Variants in SCAMP3 observed in about 807,000 individuals in gnomAD.
SCAMP3 encodes secretory carrier membrane protein 3.
A neutral mutation model predicts 44.1 loss-of-function variants in SCAMP3; 30 were observed. The observed-to-expected ratio is 0.68, with a 90% CI of 0.51 to 0.92. The LOEUF is 0.92. Ranked by LOEUF, SCAMP3 falls within the 40% of genes least tolerant of loss-of-function variation. SCAMP3 has a pLI of 0.00. For missense variants in SCAMP3, 394 were observed against 440.0 expected, an observed-to-expected ratio of 0.90 and a Z score of 0.93; for synonymous variants, 168 against 171.1, an observed-to-expected ratio of 0.98 and a Z score of 0.14.
chr1:155,260,516 T>A, intron 3 of SCAMP3, 21 bp downstream of exon 3: 1 of 1,614,070 alleles, frequency 6.2e-7, no homozygotes, highest in Non-Finnish European at 8.5e-7. Context: ...TCCCCAGCCC[T>A]CACCTGCACA....
intron 5 of SCAMP3, 67 bp from the exon 6 acceptor site, chr1:155,257,724 C>T (rs1672843697): frequency 2.1e-6 from 3 of 1,430,040 alleles, no homozygotes; most frequent in East Asian, 2.5e-5. Context: ...CCCATCTATG[C>T]TCATCCTATA....
chr1:155,261,141 G>A (rs545286299), intron 2 of SCAMP3: 22 of 171,530 alleles, frequency 1.3e-4, no homozygotes, highest in Non-Finnish European at 2.3e-4. Flanking sequence ...TGCCCAGGAT[G>A]GTCTCCATCA....
chr1:155,259,593 G>T (rs765688540), intron 4 of SCAMP3, among the ~76,000 whole-genome samples: 26 of 152,076 alleles, frequency 1.7e-4, no homozygotes, highest in Non-Finnish European at 3.8e-4. Flanking sequence ...TCTAACTCCT[G>T]AGCTCAAGCA....
intron 2 of SCAMP3, chr1:155,261,434 A>T: frequency 1.7e-6 from 1 of 581,580 alleles, no homozygotes; most frequent in South Asian, 2.1e-5. Context: ...CAGCCTCCAG[A>T]TCTTCCCAGG....
chr1:155,262,267 G>GCA lies in SCAMP3; in HGVS notation c.-118_-117dup. On this transcript the variant is annotated 5_prime_UTR_variant, in exon 1 of 9. Transcript: ENST00000302631. ...GCCTCAGTTCGCCCCGCTTCTCTGT[G>GCA]CACGGATTGGTTCCACCGACCGGAA... is the stretch of plus-strand genomic sequence containing the variant. 1.1e-6 allele frequency: 1 copy of GCA among 936,606 alleles called. No individual in the cohort carries two copies. Among genetic ancestry groups the GCA allele is most frequent in the Non-Finnish European group, 1.6e-6 (1 of 626,360 alleles). 58.0% of individuals were successfully genotyped at this position (936,606 alleles called of 1,614,324 possible). A position where few individuals can be genotyped will look rare whatever the true frequency, so the allele number is the denominator to read the frequency against.
At chr1:155,258,180 C>T (rs1355573554) in intron 5 of SCAMP3, among the ~76,000 whole-genome samples, 2 of 151,996 alleles carry the variant, frequency 1.3e-5, no homozygotes, top group African/African-American at 4.8e-5. Flanking sequence ...CCACCACGCC[C>T]GGCTAATTTT....
chr1:155,260,318 T>G lies in SCAMP3; in HGVS notation c.388+12A>C. The G allele has an allele frequency of 6.2e-7, 1 of 1,609,320 alleles. No individual in the cohort carries two copies. The stretch of plus-strand genomic sequence containing the variant: ...CAAACTCTCAGATGCTCTTCCCCAC[T>G]CTATTACTTACTAGCTGTGCCCCCC... On this transcript the variant is annotated intron_variant, in intron 4 of 8. Coordinates refer to ENST00000302631, the MANE Select transcript of SCAMP3 (RefSeq NM_005698.4).
chr1:155,258,811 C>T lies in SCAMP3; in HGVS notation c.517+15G>A, dbSNP rs369081598. On this transcript the variant is annotated intron_variant, in intron 5 of 8. Transcript: ENST00000302631. ...TCTACCTGTAACTTCCTCCAAAAGG[C>T]TTCTCACTACTCACACATCCAGAGG... The T allele has an allele frequency of 5.2e-5, 83 of 1,595,928 alleles. No individual in the cohort carries two copies. The highest frequency in any genetic ancestry group is 5.0e-4 in the Middle Eastern group (3 of 6,002).
At position 155,257,628 on chromosome 1, in the gene SCAMP3, G is replaced by A; in HGVS notation, c.547C>T (p.Leu183Phe). Reference protein sequence around the residue: ...CSTLALLLNFLACLASFCVET... With the variant: ...CSTLALLLNFFACLASFCVET... ...ACACAGAAGCTGGCCAGGCAGGCGA[G>A]GAAGTTCAGGAGAAGAGCCAGCGTG... Residue 183 changes from leucine to phenylalanine, a missense_variant, in exon 6 of 9, where the codon CTC (leucine) becomes TTC (phenylalanine). Transcript: ENST00000302631. 1 of 1,568,676 alleles carries A rather than the reference G, an allele frequency of 6.4e-7. No homozygotes were observed. The highest frequency in any genetic ancestry group is 2.3e-5 in the East Asian group (1 of 42,568).
At chr1:155,259,043 T>G in intron 4 of SCAMP3, 89 bp from the exon 5 acceptor site, 17 of 672,962 alleles carry the variant, frequency 2.5e-5, no homozygotes, top group Non-Finnish European at 3.5e-5. Context: ...CCCTGGATCC[T>G]CTCTTTTTTT....
rs1209954930 is a variant in SCAMP3 at position 155,262,351 on chromosome 1, A to G, written c.-200T>C. 2 of 579,230 alleles carry G rather than the reference A, an allele frequency of 3.5e-6. No homozygotes were observed. Among genetic ancestry groups the G allele is most frequent in the African/African-American group, 3.8e-5 (2 of 53,090 alleles). 35.9% of individuals were successfully genotyped at this position (579,230 alleles called of 1,614,324 possible). A position where few individuals can be genotyped will look rare whatever the true frequency, so the allele number is the denominator to read the frequency against. On this transcript the variant is annotated 5_prime_UTR_variant, in exon 1 of 9. Coordinates refer to ENST00000302631, the MANE Select transcript of SCAMP3 (RefSeq NM_005698.4). ...GCGCCTGCGTCTTGTCCAAAAGCTA[A>G]GACGAAAGTGCCCCCACGTGATACC...
chr1:155,262,270 C>G lies in SCAMP3; in HGVS notation c.-119G>C, dbSNP rs952647824. ...TCAGTTCGCCCCGCTTCTCTGTGCACGGATTGGTTCCACCGACCGGAAGGG... is the reference window on the plus strand; with the variant it reads ...TCAGTTCGCCCCGCTTCTCTGTGCAGGGATTGGTTCCACCGACCGGAAGGG... On this transcript the variant is annotated 5_prime_UTR_variant, in exon 1 of 9. Coordinates refer to ENST00000302631, the MANE Select transcript of SCAMP3 (RefSeq NM_005698.4). 1.1e-6 allele frequency: 1 copy of G among 910,466 alleles called. No homozygotes were observed. Among genetic ancestry groups the G allele is most frequent in the Admixed American group, 2.7e-5 (1 of 37,684 alleles). 56.4% of individuals were successfully genotyped at this position (910,466 alleles called of 1,614,324 possible).
Position 155,256,905 on chromosome 1 carries a change from A to G in SCAMP3, c.780-114T>C, listed in dbSNP as rs1033299006. 1.6e-5 allele frequency: 12 copies of G among 749,276 alleles called. No homozygotes were observed. The African/African-American group carries it at 2.1e-4, about 13-fold the overall frequency. The allele number at this position is 749,276 out of a possible 1,614,324, so 46.4% of individuals were successfully genotyped here. ...ATCAGCAGTGGCTCCCTGTCAATCG[A>G]GCAGCATTCCAAGCACCACAATCCC... On this transcript the variant is annotated intron_variant, in intron 7 of 8. Coordinates refer to ENST00000302631, the MANE Select transcript of SCAMP3 (RefSeq NM_005698.4).
Position 155,257,651 on chromosome 1 carries a change from G to A in SCAMP3, c.524C>T (p.Thr175Met), listed in dbSNP as rs111813693. 5.8e-6 allele frequency: 9 copies of A among 1,557,814 alleles called. No homozygotes were observed. In the South Asian group the frequency reaches 7.1e-5, roughly 12 times the overall value. ...STMYYLWMCS[T>M]LALLLNFLAC... ...GAGGAAGTTCAGGAGAAGAGCCAGCGTGCTGCCTAAGGGGCAGAGGGACAG... is the reference window on the plus strand; with the variant it reads ...GAGGAAGTTCAGGAGAAGAGCCAGCATGCTGCCTAAGGGGCAGAGGGACAG... The change falls in exon 6 of 9, where the codon ACG (threonine) becomes ATG (methionine). Residue 175 changes from threonine to methionine, a missense_variant. By Grantham distance (81) the Thr-to-Met change is moderately conservative (BLOSUM62 -1). Coordinates refer to ENST00000302631, the MANE Select transcript of SCAMP3 (RefSeq NM_005698.4).
intron 4 of SCAMP3, among the ~76,000 whole-genome samples, chr1:155,259,903 C>T (rs552516977): frequency 6.6e-6 from 1 of 151,472 alleles, no homozygotes; most frequent in Admixed American, 6.6e-5. Context: ...GGTTAGTAAG[C>T]AGTATCTCTA....
intron 5 of SCAMP3, 152 bp from the exon 6 acceptor site, chr1:155,257,809 G>A: frequency 1.4e-6 from 1 of 707,836 alleles, no homozygotes; most frequent in Non-Finnish European, 2.4e-6. Flanking sequence ...AGGGGAGATG[G>A]AGAAAGCAAA....
intron 4 of SCAMP3, among the ~76,000 whole-genome samples, chr1:155,260,123 TG>T (rs1441586779): frequency 1.3e-5 from 2 of 151,992 alleles, no homozygotes; most frequent in African/African-American, 4.8e-5. Context: ...AGCTAATTTT[TG>T]TGTGTGTGTA....
At position 155,261,728 on chromosome 1, in the gene SCAMP3, C is replaced by G. The variant is rs889235851; in HGVS notation, c.73G>C (p.Ala25Pro). 1.2e-6 allele frequency: 2 copies of G among 1,613,968 alleles called. No individual in the cohort carries two copies. The highest frequency in any genetic ancestry group is 1.7e-6 in the Non-Finnish European group (2 of 1,180,010). Residue 25 changes from alanine (A) to proline (P), a missense_variant, in exon 2 of 9, where the codon GCT becomes CCT. By Grantham distance (27) the Ala-to-Pro change is conservative. Coordinates refer to ENST00000302631, the MANE Select transcript of SCAMP3 (RefSeq NM_005698.4). ...CGGCTGGGTCGGTGCTGGATCACAG[C>G]TGGGTCCTGAGGGCAGAGACCCGGG... Reference protein sequence around the residue: ...SELDNPFQDPAVIQHRPSRQY... With the variant: ...SELDNPFQDPPVIQHRPSRQY...
intron 5 of SCAMP3, among the ~76,000 whole-genome samples, chr1:155,258,314 C>A (rs865922668): frequency 2.0e-4 from 27 of 135,478 alleles, no homozygotes; most frequent in African/African-American, 6.9e-4. Flanking sequence ...CCACCGTGCC[C>A]GGCCTTTTTT....
Sources: allele counts gnomAD v4.1 joint callset (sites outside exome capture counted in the v4.1 genomes callset), GRCh38; gene constraint gnomAD v4.1.1; transcripts MANE v1.5; gene names NCBI Gene and HGNC (gene_info 2026-07-23, HGNC 2026-07-21).